EPHA6: variants seen among roughly 807,000 people sequenced by gnomAD.
EPHA6 encodes the protein EPH receptor A6, also known as ephrin type-A receptor 6.
A neutral mutation model predicts 112.0 loss-of-function variants in EPHA6; 50 were observed. The ratio of observed to expected loss-of-function variants is 0.45; its 90% confidence interval spans 0.36 to 0.56. The LOEUF is 0.56. Among genes scored for constraint, EPHA6 ranks in the 20% least tolerant of loss-of-function variants. The pLI, the probability that EPHA6 is intolerant of heterozygous loss-of-function variation, is 0.00. For missense variants in EPHA6, 1,280 were observed against 1,417.4 expected, an observed-to-expected ratio of 0.90 and a Z score of 1.56; for synonymous variants, 529 against 490.7, an observed-to-expected ratio of 1.08 and a Z score of -1.03.
intron 11 of EPHA6, among the ~76,000 whole-genome samples, chr3:97,563,452 A>G (rs572393917): frequency 6.6e-6 from 1 of 152,204 alleles, no homozygotes; most frequent in African/African-American, 2.4e-5. Flanking sequence ...TCAGAGACGT[A>G]AACAGGAGGT....
intron 1 of EPHA6, among the ~76,000 whole-genome samples, chr3:96,831,123 T>C (rs919824015): frequency 3.3e-5 from 5 of 152,184 alleles, no homozygotes; most frequent in African/African-American, 4.8e-5. Context: ...CTAATAGTTA[T>C]GATTTTAAGT....
chr3:97,541,779 A>C (rs1419573995), intron 11 of EPHA6, among the ~76,000 whole-genome samples: 5 of 107,586 alleles, frequency 4.6e-5, no homozygotes, highest in Non-Finnish European at 1.0e-4. Flanking sequence ...TGTTGTTTTT[A>C]ATTTTTAAAA....
chr3:96,872,779 T>A (rs539644836), intron 2 of EPHA6, among the ~76,000 whole-genome samples: 23 of 152,178 alleles, frequency 1.5e-4, no homozygotes, highest in Middle Eastern at 3.4e-3. Flanking sequence ...GCTTTTTTTT[T>A]AAATTTGATG....
At chr3:97,179,632 A>G (rs1230508075) in intron 3 of EPHA6, among the ~76,000 whole-genome samples, 1 of 151,494 alleles carries the variant, frequency 6.6e-6, no homozygotes, top group African/African-American at 2.4e-5. Context: ...TACTGCCTTG[A>G]TGATCTTGGA....
chr3:97,122,573 T>C (rs1204335314), intron 3 of EPHA6, among the ~76,000 whole-genome samples: 2 of 152,058 alleles, frequency 1.3e-5, no homozygotes, highest in Non-Finnish European at 2.9e-5. Context: ...TAAAGTTCTC[T>C]TGGTATCAGG....
chr3:97,710,791 C>A (rs2033925155), intron 14 of EPHA6, among the ~76,000 whole-genome samples: 1 of 152,170 alleles, frequency 6.6e-6, no homozygotes, highest in Admixed American at 6.5e-5. Flanking sequence ...AAAACAAGCA[C>A]CCCAGGATTT....
At chr3:97,399,748 T>G (rs2086884106) in intron 5 of EPHA6, among the ~76,000 whole-genome samples, 1 of 151,830 alleles carries the variant, frequency 6.6e-6, no homozygotes, top group Admixed American at 6.6e-5. Flanking sequence ...GAAATGTCTA[T>G]TTAGATCTTT....
At chr3:97,187,817 CTAA>C (rs2077197299) in intron 3 of EPHA6, among the ~76,000 whole-genome samples, 1 of 151,918 alleles carries the variant, frequency 6.6e-6, no homozygotes, top group South Asian at 2.1e-4. Flanking sequence ...AGAATCAAGC[CTAA>C]TGTTAATCAA....
intron 10 of EPHA6, among the ~76,000 whole-genome samples, chr3:97,522,461 T>G (rs2092558332): frequency 6.6e-6 from 1 of 152,154 alleles, no homozygotes; most frequent in Non-Finnish European, 1.5e-5. Context: ...AGTATTTTGT[T>G]GAGTATTTTT....
intron 2 of EPHA6, among the ~76,000 whole-genome samples, chr3:96,967,295 AAT>A (rs2042157651): frequency 6.7e-6 from 1 of 150,086 alleles, no homozygotes; most frequent in African/African-American, 2.4e-5. Flanking sequence ...TACATTATAT[AAT>A]ATATGATATA....
At chr3:97,036,559 A>G (rs779050825) in intron 3 of EPHA6, among the ~76,000 whole-genome samples, 2 of 151,900 alleles carry the variant, frequency 1.3e-5, no homozygotes, top group African/African-American at 2.4e-5. Context: ...TTTTCTCCCA[A>G]CTTGGACGTT....
At chr3:97,389,978 G>T (rs566238753) in intron 5 of EPHA6, among the ~76,000 whole-genome samples, 1 of 152,148 alleles carries the variant, frequency 6.6e-6, no homozygotes, top group African/African-American at 2.4e-5. Flanking sequence ...AGTGATTTGT[G>T]AACAACAATT....
chr3:97,630,868 G>A (rs1412754737), intron 13 of EPHA6, among the ~76,000 whole-genome samples: 9 of 151,800 alleles, frequency 5.9e-5, no homozygotes, highest in Non-Finnish European at 1.2e-4. Context: ...AACTTTTATT[G>A]TGACAAATCA....
chr3:97,300,296 A>G (rs574650413), intron 5 of EPHA6, among the ~76,000 whole-genome samples: 19 of 152,300 alleles, frequency 1.2e-4, no homozygotes, highest in African/African-American at 4.6e-4. Context: ...ATCTGTCTCA[A>G]TTAAAAGCCA....
chr3:96,815,199 C>T (rs2032669431), intron 1 of EPHA6, among the ~76,000 whole-genome samples, 191 bp downstream of exon 1: 1 of 152,148 alleles, frequency 6.6e-6, no homozygotes, highest in Admixed American at 6.5e-5. Context: ...ACTCCACAGG[C>T]TAGGATCCGT....
intron 1 of EPHA6, among the ~76,000 whole-genome samples, chr3:96,837,932 G>T (rs981989647): frequency 5.3e-5 from 8 of 151,904 alleles, no homozygotes; most frequent in Non-Finnish European, 8.8e-5. Context: ...TGTTACACAG[G>T]TAAACATGTA....
chr3:97,078,541 G>A (rs2046613404), intron 3 of EPHA6, among the ~76,000 whole-genome samples: 1 of 152,154 alleles, frequency 6.6e-6, no homozygotes, highest in African/African-American at 2.4e-5. Context: ...TAACATGTAA[G>A]TCTTTAATCC....
chr3:97,607,157 T>C (rs1283521648), intron 12 of EPHA6, among the ~76,000 whole-genome samples: 2 of 147,950 alleles, frequency 1.4e-5, no homozygotes, highest in East Asian at 3.9e-4. Context: ...TCTGTTATCC[T>C]CTTTTTTTCA....
chr3:97,031,706 T>C (rs1370104031), intron 3 of EPHA6, among the ~76,000 whole-genome samples: 2 of 152,158 alleles, frequency 1.3e-5, no homozygotes, highest in Non-Finnish European at 2.9e-5. Flanking sequence ...TTGCTCATCA[T>C]CACTGGCCAT....
Sources: allele counts gnomAD v4.1 joint callset (sites outside exome capture counted in the v4.1 genomes callset), GRCh38; gene constraint gnomAD v4.1.1; transcripts MANE v1.5; gene names NCBI Gene and HGNC (gene_info 2026-07-23, HGNC 2026-07-21).